Variants in NEK1 observed in about 807,000 individuals in gnomAD.
NEK1 encodes serine/threonine-protein kinase Nek1.
NEK1 carries 137 observed loss-of-function variants against 182.1 expected under a neutral mutation model. The ratio of observed to expected loss-of-function variants is 0.75; its 90% CI spans 0.65 to 0.87. The LOEUF (loss-of-function observed/expected upper bound fraction) is 0.87, where lower values mean the gene tolerates loss of function less well. Among genes scored for constraint, NEK1 ranks in the 40% least tolerant of loss-of-function variants. The pLI is 0.00. For synonymous variants in NEK1, 513 were observed against 492.2 expected, an observed-to-expected ratio of 1.04 and a Z score of -0.56; for missense variants, 1,391 against 1,494.4, an observed-to-expected ratio of 0.93 and a Z score of 1.14.
rs1737828946 is a variant in NEK1, at chr4:169,433,594, T to C, written c.2836A>G (p.Thr946Ala). ...TCACTAATCCACACATCAGTAATAGTGCATGGCAAGCTCTCATCTTTGTTT... is the reference window on the plus strand; with the variant it reads ...TCACTAATCCACACATCAGTAATAGCGCATGGCAAGCTCTCATCTTTGTTT... ...GTNKDESLPC[T>A]ITDVWISEEK... The change falls in exon 29 of 36, where the codon ACT (threonine) becomes GCT (alanine). Residue 946 changes from threonine (T) to alanine (A), a missense_variant. By Grantham distance (58) the Thr-to-Ala change is moderately conservative. This residue lies in a region of NEK1 where 1,216 missense variants were observed against 1,277.6 expected (regional missense o/e 0.95). Transcript: ENST00000507142. The C allele has an allele frequency of 1.9e-6, 3 of 1,613,410 alleles. No homozygotes were observed. Among genetic ancestry groups the C allele is most frequent in the South Asian group, 1.1e-5 (1 of 91,056 alleles).
Position 169,609,331 on chromosome 4 carries a change from A to G in NEK1, c.-49+2689T>C, listed in dbSNP as rs1771924385. On this transcript the variant is annotated intron_variant, in intron 2 of 35. Coordinates refer to ENST00000507142, the MANE Select transcript of NEK1 (RefSeq NM_001199397.3). ...TATAAGGGGACAGAAACTTTGATGT[A>G]GTGATTCAATTTCTAGCAATTTACC... 2.6e-5 allele frequency among the ~76,000 whole-genome samples: 4 copies of G among 152,180 alleles called. No homozygotes were observed. The South Asian group carries it at 8.3e-4, about 31-fold the overall frequency.
At chr4:169,400,012 T>A in intron 35 of NEK1, 1 of 568,434 alleles carries the variant, frequency 1.8e-6, no homozygotes, top group Non-Finnish European at 3.1e-6. Context: ...TAAATTAAAT[T>A]AAAAATATGG....
At chr4:169,556,408 T>C (rs1429270663) in intron 16 of NEK1, among the ~76,000 whole-genome samples, 1 of 152,148 alleles carries the variant, frequency 6.6e-6, no homozygotes, top group Non-Finnish European at 1.5e-5. Flanking sequence ...GCTTCCAATA[T>C]ACATTTCATG....
At chr4:169,608,388 G>C (rs188322255) in intron 2 of NEK1, among the ~76,000 whole-genome samples, 1 of 152,196 alleles carries the variant, frequency 6.6e-6, no homozygotes, top group African/African-American at 2.4e-5. Flanking sequence ...GGGTAGCCAT[G>C]TGGGGAAAAA....
At chr4:169,436,802 T>A (rs1738496099) in intron 28 of NEK1, among the ~76,000 whole-genome samples, 1 of 152,214 alleles carries the variant, frequency 6.6e-6, no homozygotes, top group Admixed American at 6.5e-5. Context: ...TAAAGGCATG[T>A]CTTGCAGACC....
chr4:169,500,203 C>T (rs1039528350), intron 23 of NEK1, among the ~76,000 whole-genome samples: 14 of 152,296 alleles, frequency 9.2e-5, no homozygotes, highest in Admixed American at 7.2e-4. Flanking sequence ...CTGAGCCAGG[C>T]GCCAGATATA....
At chr4:169,562,081 CT>C in intron 13 of NEK1, 55 bp downstream of exon 13, 1 of 1,365,480 alleles carries the variant, frequency 7.3e-7, no homozygotes, top group Non-Finnish European at 1.0e-6. Flanking sequence ...GATTTTGTTT[CT>C]TTTTTAAAAT....
chr4:169,485,647 T>C (rs531482488), intron 23 of NEK1, among the ~76,000 whole-genome samples: 90 of 152,104 alleles, frequency 5.9e-4, no homozygotes, highest in Middle Eastern at 3.4e-3. Flanking sequence ...AATATAAAAA[T>C]TTGGAACAAA....
intron 29 of NEK1, among the ~76,000 whole-genome samples, chr4:169,431,028 TATC>T (rs1392295751): frequency 6.6e-6 from 1 of 152,078 alleles, no homozygotes; most frequent in East Asian, 1.9e-4. Context: ...TCAACTATTA[TATC>T]ATATCAAAGA....
intron 12 of NEK1, among the ~76,000 whole-genome samples, chr4:169,562,598 C>T (rs982705228): frequency 1.3e-5 from 2 of 152,020 alleles, no homozygotes; most frequent in African/African-American, 4.8e-5. Context: ...ATTTTGCTCT[C>T]CACCTCCAGA....
rs199732218 is a variant in NEK1 at position 169,515,500 on chromosome 4, C to CTTT, written c.1666-6651_1666-6649dup. ...TACATATTTAGGATTGCAATAACTT[C>CTTT]TTTTTTTTTTTTTTATTATACTCTA... On this transcript the variant is annotated intron_variant, in intron 19 of 35. Coordinates refer to ENST00000507142, the MANE Select transcript of NEK1 (RefSeq NM_001199397.3). Among the ~76,000 whole-genome samples the CTTT allele has an allele frequency of 6.6e-4, 94 of 141,698 alleles. 2 individuals are homozygous for CTTT. The highest frequency in any genetic ancestry group is 3.4e-4 in the African/African-American group (13 of 38,536). 93.0% of individuals were successfully genotyped at this position (141,698 alleles called of 152,430 possible). A position where few individuals can be genotyped will look rare whatever the true frequency, so the allele number is the denominator to read the frequency against.
At chr4:169,571,175 T>TAAAA (rs1404754952) in intron 12 of NEK1, among the ~76,000 whole-genome samples, 434 of 104,858 alleles carry the variant, frequency 4.1e-3, no homozygotes, top group African/African-American at 7.5e-3. Context: ...GAATGATCAA[T>TAAAA]AAAAAAATAA....
intron 2 of NEK1, among the ~76,000 whole-genome samples, chr4:169,611,596 C>T (rs1772332632): frequency 6.6e-6 from 1 of 152,160 alleles, no homozygotes; most frequent in South Asian, 2.1e-4. Flanking sequence ...TTATGATAAA[C>T]TCTTAAAGTA....
chr4:169,607,664 C>A (rs1051711439), intron 2 of NEK1, among the ~76,000 whole-genome samples: 38 of 151,948 alleles, frequency 2.5e-4, no homozygotes, highest in Non-Finnish European at 4.6e-4. Context: ...GGGGTTTCAC[C>A]GTGTTAGCCA....
intron 9 of NEK1, among the ~76,000 whole-genome samples, chr4:169,587,224 G>T (rs1301258296): frequency 6.6e-6 from 1 of 151,698 alleles, no homozygotes; most frequent in East Asian, 1.9e-4. Flanking sequence ...TGTTTTGAAA[G>T]AATTCACTAA....
chr4:169,459,340 C>A (rs1441767556), intron 27 of NEK1, among the ~76,000 whole-genome samples: 1 of 152,112 alleles, frequency 6.6e-6, no homozygotes, highest in Non-Finnish European at 1.5e-5. Context: ...CAACAAGATA[C>A]CACTACACAG....
chr4:169,572,942 A>G (rs1330183023), intron 12 of NEK1, among the ~76,000 whole-genome samples: 4 of 152,220 alleles, frequency 2.6e-5, no homozygotes, highest in South Asian at 2.1e-4. Context: ...ATCTTTTGGG[A>G]AAGTTTTGTT....
chr4:169,462,115 C>A (rs1032262689), intron 27 of NEK1, among the ~76,000 whole-genome samples: 8 of 151,946 alleles, frequency 5.3e-5, no homozygotes, highest in Non-Finnish European at 7.4e-5. Flanking sequence ...TGTTAATGAG[C>A]ATCAGCATAT....
intron 28 of NEK1, among the ~76,000 whole-genome samples, chr4:169,435,063 T>C (rs1218375384): frequency 6.6e-6 from 1 of 152,150 alleles, no homozygotes; most frequent in Non-Finnish European, 1.5e-5. Context: ...AAGATACTGT[T>C]TTAGTTCAGG....
Sources: gnomAD v4.1 joint callset for allele counts (sites outside exome capture counted in the v4.1 genomes callset) on GRCh38, gnomAD v4.1.1 for gene constraint, gnomAD v4.1.1 regional missense constraint, MANE v1.5 for transcripts, NCBI Gene and HGNC (gene_info 2026-07-23, HGNC 2026-07-21) for gene names.